The following MAP4K3 variants were observed in gnomAD, a reference collection of about 807,000 sequenced individuals.
MAP4K3 encodes mitogen-activated protein kinase kinase kinase kinase 3, also known as MAPK/ERK kinase kinase kinase 3.
Under a neutral mutation model 143.5 loss-of-function variants are expected in MAP4K3, and 94 were observed. That is an observed-to-expected ratio of 0.65 (90% confidence interval 0.55 to 0.78). MAP4K3 has a LOEUF of 0.78. Ranked by LOEUF, MAP4K3 falls within the 30% of genes least tolerant of loss-of-function variation. The pLI is 0.00. For missense variants in MAP4K3, 1,077 were observed against 1,068.1 expected (o/e 1.01, Z -0.12); for synonymous variants, 416 against 347.2 (o/e 1.20, Z -2.20).
chr2:39,275,419 C>T lies in MAP4K3; in HGVS notation c.1795-2877G>A, dbSNP rs188684478. Among the ~76,000 whole-genome samples, 54 of 152,254 alleles carry T rather than the reference C, an allele frequency of 3.5e-4. No homozygotes were observed. The East Asian group carries it at 7.2e-3, about 20-fold the overall frequency. The stretch of plus-strand genomic sequence containing the variant: ...GTCACTTGAGCCCAGGAGGTCAAGG[C>T]TGCAGTGAGCTGTGTTCACGCCACT... On this transcript the variant is annotated intron_variant, in intron 24 of 33. Coordinates refer to ENST00000263881, the MANE Select transcript of MAP4K3 (RefSeq NM_003618.4).
intron 16 of MAP4K3, among the ~76,000 whole-genome samples, chr2:39,298,780 A>T (rs1158228876): frequency 2.6e-5 from 4 of 152,126 alleles, no homozygotes; most frequent in Non-Finnish European, 5.9e-5. Flanking sequence ...AGCCTGATCA[A>T]CATGGTGAAA....
At chr2:39,266,981 G>A (rs1680792002) in intron 27 of MAP4K3, among the ~76,000 whole-genome samples, 1 of 151,446 alleles carries the variant, frequency 6.6e-6, no homozygotes, top group Admixed American at 6.6e-5. Context: ...TAATTTATTT[G>A]CTAATAAACA....
chr2:39,415,129 T>A (rs1264931332), intron 1 of MAP4K3, among the ~76,000 whole-genome samples: 1 of 152,206 alleles, frequency 6.6e-6, no homozygotes, highest in Non-Finnish European at 1.5e-5. Context: ...AGCCTACACT[T>A]GTAAAAGTCC....
intron 2 of MAP4K3, among the ~76,000 whole-genome samples, chr2:39,366,163 G>A (rs1027059045): frequency 5.3e-5 from 8 of 151,516 alleles, no homozygotes; most frequent in African/African-American, 1.9e-4. Flanking sequence ...AGGTGGTCAG[G>A]GTACAGCCTA....
At chr2:39,350,708 CT>C (rs1298575782) in intron 3 of MAP4K3, among the ~76,000 whole-genome samples, 1 of 152,118 alleles carries the variant, frequency 6.6e-6, no homozygotes, top group Non-Finnish European at 1.5e-5. Flanking sequence ...ACTAAATTGC[CT>C]CTTTTAATCC....
At chr2:39,267,491 T>C (rs1276576828) in intron 26 of MAP4K3, 3 of 372,906 alleles carry the variant, frequency 8.0e-6, no homozygotes, top group East Asian at 1.0e-4. Flanking sequence ...GCCAACATAA[T>C]AAAACCCCGT....
At chr2:39,334,882 A>G (rs1475911028) in intron 6 of MAP4K3, among the ~76,000 whole-genome samples, 1 of 152,198 alleles carries the variant, frequency 6.6e-6, no homozygotes, top group Admixed American at 6.6e-5. Context: ...ATTCAAAGTC[A>G]GGTAGAAATA....
chr2:39,284,607 A>C (rs1403182411), intron 21 of MAP4K3, among the ~76,000 whole-genome samples: 2 of 151,958 alleles, frequency 1.3e-5, no homozygotes, highest in Non-Finnish European at 2.9e-5. Context: ...GCACTTTGGG[A>C]GGCTGAGGTA....
intron 1 of MAP4K3, among the ~76,000 whole-genome samples, chr2:39,426,885 A>G (rs1344326722): frequency 6.6e-6 from 1 of 152,114 alleles, no homozygotes; most frequent in Non-Finnish European, 1.5e-5. Flanking sequence ...AGCTCTAAAG[A>G]GAAACAAGAA....
intron 3 of MAP4K3, among the ~76,000 whole-genome samples, chr2:39,346,225 C>G (rs775644207): frequency 6.6e-6 from 1 of 152,142 alleles, no homozygotes; most frequent in African/African-American, 2.4e-5. Flanking sequence ...CACTGTATTT[C>G]TATTAAGTTA....
In MAP4K3 at chr2:39,254,492, G is replaced by C; in HGVS notation, c.2499C>G (p.Phe833Leu). 2 of 1,613,824 alleles carry C rather than the reference G, an allele frequency of 1.2e-6. No individual in the cohort carries two copies. The highest frequency in any genetic ancestry group is 2.2e-5 in the South Asian group (2 of 91,046). Reference protein sequence around the residue: ...IVCLQDSVLAFWKHGMQGRSF... With the variant: ...IVCLQDSVLALWKHGMQGRSF... ...TTCTACCTTGCATTCCATGTTTCCA[G>C]AAAGCTAGCACACTGTCTTGTAGGC... is the stretch of plus-strand genomic sequence containing the variant. Residue 833 changes from phenylalanine to leucine, a missense_variant, in exon 32 of 34, where the codon TTC becomes TTG. Transcript: ENST00000263881.
At chr2:39,397,302 G>A (rs2373535) in intron 1 of MAP4K3, among the ~76,000 whole-genome samples, 131,708 of 152,172 alleles carry the variant, frequency 0.87, 57,387 homozygotes, top group Non-Finnish European at 0.92. Context: ...AGTAACCTAT[G>A]AAAAGAATAT....
chr2:39,434,212 G>A (rs1399073099), intron 1 of MAP4K3, among the ~76,000 whole-genome samples: 2 of 152,058 alleles, frequency 1.3e-5, no homozygotes, highest in African/African-American at 4.8e-5. Context: ...TATATATATT[G>A]GCTTTTGAAA....
intron 1 of MAP4K3, among the ~76,000 whole-genome samples, chr2:39,421,397 G>C (rs1667544310): frequency 1.0e-5 from 1 of 99,082 alleles, no homozygotes; most frequent in African/African-American, 3.8e-5. Context: ...TTTTTGTAGA[G>C]ACAGGGTTTT....
chr2:39,410,917 A>G (rs759313950), intron 1 of MAP4K3, among the ~76,000 whole-genome samples: 3 of 152,210 alleles, frequency 2.0e-5, no homozygotes, highest in Non-Finnish European at 4.4e-5. Context: ...TCAAAGAAAC[A>G]TATCTTCACC....
intron 1 of MAP4K3, chr2:39,436,653 G>C (rs143651850): frequency 1.8e-6 from 1 of 547,394 alleles, no homozygotes; most frequent in Non-Finnish European, 3.3e-6. Context: ...CGCAAGAAGG[G>C]AGGTGGCAAA....
intron 21 of MAP4K3, among the ~76,000 whole-genome samples, chr2:39,284,401 T>C (rs917787003): frequency 5.3e-5 from 8 of 152,078 alleles, no homozygotes; most frequent in Non-Finnish European, 1.0e-4. Context: ...CCTTAAATGA[T>C]CCACCTGTCT....
In MAP4K3 at chr2:39,308,069, A is replaced by C. The variant is rs1573127262; in HGVS notation, c.1057-64T>G. On this transcript the variant is annotated intron_variant, in intron 14 of 33. Transcript: ENST00000263881. ...TTAGACTAAAAGCCACAAATTCACA[A>C]AGGGAAACTTTCACAAATGAAGTAA... The C allele has an allele frequency of 6.9e-6, 8 of 1,153,870 alleles. 1 individual carries two copies. In the Admixed American group the frequency reaches 1.8e-4, roughly 26 times the overall value. 71.5% of individuals were successfully genotyped at this position (1,153,870 alleles called of 1,614,324 possible). A position where few individuals can be genotyped will look rare whatever the true frequency, so the allele number is the denominator to read the frequency against.
chr2:39,267,074 T>C, intron 27 of MAP4K3, 115 bp downstream of exon 27: 2 of 946,052 alleles, frequency 2.1e-6, no homozygotes, highest in Non-Finnish European at 1.7e-6. Context: ...AAATTTGTTC[T>C]ACTTAAGCAG....
Sources: gnomAD v4.1 joint callset for allele counts (sites outside exome capture counted in the v4.1 genomes callset) on GRCh38, gnomAD v4.1.1 for gene constraint, MANE v1.5 for transcripts, NCBI Gene and HGNC (gene_info 2026-07-23, HGNC 2026-07-21) for gene names.